The following ERP27 variants were observed in gnomAD, a reference collection of about 807,000 sequenced individuals.
ERP27 encodes the protein endoplasmic reticulum protein 27, also known as endoplasmic reticulum resident protein 27.
ERP27 carries 23 observed loss-of-function variants against 27.7 expected under a neutral mutation model. The ratio of observed to expected loss-of-function variants is 0.83; its 90% CI spans 0.60 to 1.18. The LOEUF is 1.18. Among genes scored for constraint, ERP27 ranks in the 50% most tolerant of loss-of-function variants. ERP27 has a pLI of 0.00. For missense variants in ERP27, 363 were observed against 327.9 expected (o/e 1.11, Z -0.83); for synonymous variants, 159 against 118.3 (o/e 1.34, Z -2.23).
chr12:14,922,424 A>G (rs919837781), intron 3 of ERP27, among the ~76,000 whole-genome samples: 2 of 152,186 alleles, frequency 1.3e-5, no homozygotes, highest in Admixed American at 6.5e-5. Flanking sequence ...AAAGATAATT[A>G]TCCTCTTTAT....
chr12:14,920,244 C>A (rs766621302), intron 4 of ERP27, among the ~76,000 whole-genome samples: 1 of 152,188 alleles, frequency 6.6e-6, no homozygotes, highest in Non-Finnish European at 1.5e-5. Flanking sequence ...AGATTGCATG[C>A]AGCATGCAAC....
rs181949363 is a variant in ERP27 at position 14,938,397 on chromosome 12, A to G, written c.94+18T>C. On this transcript the variant is annotated intron_variant, in intron 1 of 6. Coordinates refer to ENST00000266397, the MANE Select transcript of ERP27 (RefSeq NM_152321.4). ...AACACTTTCACACTATAGCCACCCA[A>G]CTACATTTTTCTTTTACCTGAGGAT... is the stretch of plus-strand genomic sequence containing the variant. 1.2e-6 allele frequency: 2 copies of G among 1,613,016 alleles called. No individual in the cohort carries two copies. Among genetic ancestry groups the G allele is most frequent in the East Asian group, 4.5e-5 (2 of 44,868 alleles).
rs147609256 is a variant in ERP27 at position 14,924,035 on chromosome 12, C to G, written c.334-2987G>C. Among the ~76,000 whole-genome samples the G allele has an allele frequency of 2.6e-3, 395 of 152,274 alleles. 3 individuals are homozygous for G. Among genetic ancestry groups the G allele is most frequent in the African/African-American group, 9.2e-3 (381 of 41,550 alleles). On this transcript the variant is annotated intron_variant, in intron 3 of 6. Transcript: ENST00000266397. ...CTTCCCTCTTCCATCACCACTTCCC[C>G]CTCCGCTCCCCAGCTTTCCATAACC...
At chr12:14,924,435 A>C (rs756011658) in intron 3 of ERP27, among the ~76,000 whole-genome samples, 2 of 152,126 alleles carry the variant, frequency 1.3e-5, no homozygotes, top group Non-Finnish European at 2.9e-5. Context: ...TCTATTTTTA[A>C]ATTTTTGAGG....
chr12:14,916,449 G>C (rs114445255), intron 5 of ERP27, among the ~76,000 whole-genome samples: 4 of 152,050 alleles, frequency 2.6e-5, no homozygotes, highest in Non-Finnish European at 5.9e-5. Context: ...ATGAGGTAAC[G>C]CATTAATATT....
At chr12:14,936,519 A>G (rs1189676165) in intron 2 of ERP27, among the ~76,000 whole-genome samples, 1 of 152,154 alleles carries the variant, frequency 6.6e-6, no homozygotes, top group East Asian at 1.9e-4. Context: ...GAAGGAGGAG[A>G]TGTGCAAGGA....
chr12:14,927,536 G>T (rs1863622819), intron 3 of ERP27, among the ~76,000 whole-genome samples: 1 of 152,012 alleles, frequency 6.6e-6, no homozygotes, highest in Non-Finnish European at 1.5e-5. Context: ...CCCCTTGTGA[G>T]GCCTGGACTC....
chr12:14,933,822 C>T (rs1224237558), intron 3 of ERP27, among the ~76,000 whole-genome samples: 2 of 152,158 alleles, frequency 1.3e-5, no homozygotes, highest in Non-Finnish European at 2.9e-5. Context: ...GGATCTTCCT[C>T]TTCTTTAATT....
chr12:14,935,606 C>T (rs1218259857), intron 2 of ERP27, among the ~76,000 whole-genome samples: 4 of 152,214 alleles, frequency 2.6e-5, no homozygotes, highest in African/African-American at 4.8e-5. Context: ...TTCCCAACTT[C>T]CTGAGACACT....
At chr12:14,917,507 T>C (rs1863430517) in intron 4 of ERP27, among the ~76,000 whole-genome samples, 1 of 151,496 alleles carries the variant, frequency 6.6e-6, no homozygotes, top group African/African-American at 2.4e-5. Flanking sequence ...CCACCCTGAA[T>C]GGGGCAGAAC....
intron 3 of ERP27, among the ~76,000 whole-genome samples, chr12:14,927,345 G>T (rs898195112): frequency 6.6e-6 from 1 of 151,758 alleles, no homozygotes; most frequent in Admixed American, 6.6e-5. Flanking sequence ...GTGTGTGTGT[G>T]TGTATATATA....
At chr12:14,931,828 A>T (rs567179693) in intron 3 of ERP27, among the ~76,000 whole-genome samples, 43 of 152,270 alleles carry the variant, frequency 2.8e-4, no homozygotes, top group African/African-American at 1.0e-3. Context: ...GACAAACGAA[A>T]AACTGAGAAA....
intron 4 of ERP27, among the ~76,000 whole-genome samples, chr12:14,919,814 T>C (rs945801900): frequency 6.6e-6 from 1 of 152,248 alleles, no homozygotes; most frequent in African/African-American, 2.4e-5. Context: ...AATGTGCTAA[T>C]GCATCAGTTA....
chr12:14,920,888 C>T (rs750260522), intron 4 of ERP27, 44 bp downstream of exon 4: 46 of 1,496,710 alleles, frequency 3.1e-5, no homozygotes, highest in Admixed American at 3.0e-4. Flanking sequence ...GTACCTTCCC[C>T]GACTCAGGGT....
At position 14,930,832 on chromosome 12, in the gene ERP27, T is replaced by C. The variant is rs142175819; in HGVS notation, c.333+4024A>G. Among the ~76,000 whole-genome samples, 490 of 152,348 alleles carry C rather than the reference T, an allele frequency of 3.2e-3. 1 individual carries two copies. The highest frequency in any genetic ancestry group is 0.011 in the African/African-American group (471 of 41,570). ...CTTATTTCTAAATATGTTCTTAAAA[T>C]GGAAAATTTTGTAAATTTAGACAAT... On this transcript the variant is annotated intron_variant, in intron 3 of 6. Transcript: ENST00000266397.
chr12:14,934,183 G>T (rs772981463), intron 3 of ERP27, among the ~76,000 whole-genome samples: 2 of 151,876 alleles, frequency 1.3e-5, no homozygotes, highest in African/African-American at 4.8e-5. Context: ...GTTTTTTCCC[G>T]TTGGCCATGA....
intron 3 of ERP27, among the ~76,000 whole-genome samples, chr12:14,923,486 A>G (rs1565450631): frequency 8.5e-6 from 1 of 118,286 alleles, no homozygotes; most frequent in African/African-American, 3.2e-5. Context: ...CTATCTATCT[A>G]TAATCAATCT....
At chr12:14,927,393 G>A (rs1328864302) in intron 3 of ERP27, among the ~76,000 whole-genome samples, 7 of 151,526 alleles carry the variant, frequency 4.6e-5, no homozygotes, top group Non-Finnish European at 7.4e-5. Context: ...AATTTCAGGG[G>A]CTGAAATGAT....
At chr12:14,929,079 A>G in intron 3 of ERP27, 2 of 1,524,930 alleles carry the variant, frequency 1.3e-6, no homozygotes, top group Non-Finnish European at 1.8e-6. Context: ...CTATTTTTCT[A>G]GGAATTCCTA....
Sources: allele counts gnomAD v4.1 joint callset (sites outside exome capture counted in the v4.1 genomes callset), GRCh38; gene constraint gnomAD v4.1.1; transcripts MANE v1.5; gene names NCBI Gene and HGNC (gene_info 2026-07-23, HGNC 2026-07-21).